Variants in ZNF366 observed in about 807,000 individuals in gnomAD.
The protein encoded by ZNF366 is dendritic cell-specific transcript protein.
Under a neutral mutation model 47.2 loss-of-function variants are expected in ZNF366, and 20 were observed. That is an observed-to-expected ratio of 0.42 (90% confidence interval 0.30 to 0.62). The LOEUF is 0.62. ZNF366 is among the 20% of genes least tolerant of loss of function. The probability of loss-of-function intolerance (pLI) is 0.16; values close to 1 mark genes in which losing one functional copy is unlikely to be tolerated. For synonymous variants in ZNF366, 421 were observed against 395.1 expected, an observed-to-expected ratio of 1.07 and a Z score of -0.78; for missense variants, 987 against 976.3, an observed-to-expected ratio of 1.01 and a Z score of -0.15.
At chr5:72,504,615 C>G (rs1324379796) in intron 1 of ZNF366, among the ~76,000 whole-genome samples, 1 of 152,142 alleles carries the variant, frequency 6.6e-6, no homozygotes. Flanking sequence ...GTGTGCCCAA[C>G]TCTAAAGCTG....
At chr5:72,454,625 A>G (rs1019264495) in intron 3 of ZNF366, among the ~76,000 whole-genome samples, 1 of 152,218 alleles carries the variant, frequency 6.6e-6, no homozygotes, top group African/African-American at 2.4e-5. Context: ...CTCTCTTCAT[A>G]TTTTAGCAAC....
chr5:72,445,814 G>T, intron 4 of ZNF366, among the ~76,000 whole-genome samples: 1 of 152,152 alleles, frequency 6.6e-6, no homozygotes, highest in East Asian at 1.9e-4. Flanking sequence ...GAGATTCAGT[G>T]AATAATTCAG....
Position 72,447,331 on chromosome 5 carries a change from A to G in ZNF366, c.1611T>C (p.Tyr537=), listed in dbSNP as rs1041251967. The part of the protein sequence containing the change: ...HSDSKPFKCL[Y]CPSKFTLKGN... ...CCTTCAGGGTGAATTTGCTTGGGCA[A>G]TAGAGGCACTTGAAGGGTTTGCTGT... Residue 537 remains tyrosine (Y), a synonymous_variant, in exon 4 of 5, where the codon TAT becomes TAC. Transcript: ENST00000318442. 3.1e-6 allele frequency: 5 copies of G among 1,614,188 alleles called. No homozygotes were observed. The highest frequency in any genetic ancestry group is 1.6e-4 in the Middle Eastern group (1 of 6,062).
intron 1 of ZNF366, among the ~76,000 whole-genome samples, chr5:72,471,091 C>T (rs1011063619): frequency 6.6e-6 from 1 of 152,166 alleles, no homozygotes; most frequent in Admixed American, 6.5e-5. Context: ...GGGGAGCAGG[C>T]CACCATGATT....
chr5:72,444,237 A>G lies in ZNF366; in HGVS notation c.1754T>C (p.Leu585Pro). 6.2e-7 allele frequency: 1 copy of G among 1,613,536 alleles called. No homozygotes were observed. Among genetic ancestry groups the G allele is most frequent in the Non-Finnish European group, 8.5e-7 (1 of 1,180,026 alleles). Reference sequence around the variant, plus strand: ...GAGGTCAAAGGGCTCCTCCTGCTCCAGACTCCTCAGGACACCGGCTGTCTG... The same window carrying G: ...GAGGTCAAAGGGCTCCTCCTGCTCCGGACTCCTCAGGACACCGGCTGTCTG... The part of the protein sequence containing the change: ...LAQTAGVLRS[L>P]EQEEPFDLSQ... Residue 585 changes from leucine (L) to proline (P), a missense_variant, in exon 5 of 5, where the codon CTG (leucine) becomes CCG (proline). Physicochemically the swap from Leu to Pro is moderately conservative, Grantham distance 98. Transcript: ENST00000318442.
rs778170968 is a variant in ZNF366 at position 72,461,142 on chromosome 5, G to T, written c.355C>A (p.Pro119Thr). The T allele has an allele frequency of 3.1e-6, 5 of 1,614,198 alleles. No individual in the cohort carries two copies. Among genetic ancestry groups the T allele is most frequent in the Non-Finnish European group, 4.2e-6 (5 of 1,180,032 alleles). The change falls in exon 2 of 5, where the codon CCC (proline) becomes ACC (threonine). Residue 119 changes from proline (P) to threonine (T), a missense_variant. This residue lies in a region of ZNF366 where 591 missense variants were observed against 560.9 expected (regional missense o/e 1.05). Transcript: ENST00000318442. The part of the protein sequence containing the change: ...LPNLPLLFPQ[P>T]PRPKYDSQMI... ...TGAGAGTCATACTTGGGGCGCGGGGGCTGCGGGAACAGCAAAGGGAGGTTG... is the reference window on the plus strand; with the variant it reads ...TGAGAGTCATACTTGGGGCGCGGGGTCTGCGGGAACAGCAAAGGGAGGTTG...
chr5:72,485,163 G>GA (rs1743869061), intron 1 of ZNF366, among the ~76,000 whole-genome samples: 1 of 152,126 alleles, frequency 6.6e-6, no homozygotes, highest in Non-Finnish European at 1.5e-5. Context: ...ATTAAATGCG[G>GA]AAAAAATATT....
chr5:72,474,785 T>A (rs1386722005), intron 1 of ZNF366, among the ~76,000 whole-genome samples: 1 of 152,136 alleles, frequency 6.6e-6, no homozygotes, highest in East Asian at 1.9e-4. Flanking sequence ...CTTAGCAACC[T>A]TACTGGAATT....
chr5:72,506,656 A>C (rs1744322651), intron 1 of ZNF366, among the ~76,000 whole-genome samples: 1 of 152,198 alleles, frequency 6.6e-6, no homozygotes. Context: ...ATTTACACTC[A>C]ACCCGCATGG....
At position 72,443,824 on chromosome 5, in the gene ZNF366, T is replaced by C. The variant is rs1317587571; in HGVS notation, c.2167A>G (p.Arg723Gly). The C allele has an allele frequency of 6.2e-7, 1 of 1,614,226 alleles. No homozygotes were observed. The highest frequency in any genetic ancestry group is 8.5e-7 in the Non-Finnish European group (1 of 1,180,028). Residue 723 changes from arginine (R) to glycine (G), a missense_variant, in exon 5 of 5, where the codon AGA (arginine) becomes GGA (glycine). Arg to Gly is a moderately radical substitution (Grantham distance 125). This residue lies in a region of ZNF366 where 285 missense variants were observed against 234.8 expected (regional missense o/e 1.21). Coordinates refer to ENST00000318442, the MANE Select transcript of ZNF366 (RefSeq NM_152625.3). The stretch of plus-strand genomic sequence containing the variant: ...AGTAATTCTTTCAAACTCTCATCTC[T>C]GTGCTTGAAGTATAAGTAATCAGAA... ...SFSDYLYFKH[R>G]DESLKELLER...
chr5:72,458,103 G>A (rs185983070), intron 2 of ZNF366, among the ~76,000 whole-genome samples: 2,720 of 134,120 alleles, frequency 0.02, 50 homozygotes, highest in South Asian at 0.029. Context: ...TGCAAGCTCC[G>A]CCTCCTGGGT....
chr5:72,444,922 G>A (rs1742930272), intron 4 of ZNF366, among the ~76,000 whole-genome samples: 1 of 152,068 alleles, frequency 6.6e-6, no homozygotes, highest in Admixed American at 6.5e-5. Flanking sequence ...ATGTATTATT[G>A]TTTTATTTTT....
rs1580251322 is a variant in ZNF366 at position 72,488,516 on chromosome 5, C to T, written c.-15+18735G>A. 2.6e-5 allele frequency among the ~76,000 whole-genome samples: 4 copies of T among 152,152 alleles called. No individual in the cohort carries two copies. In the South Asian group the frequency reaches 8.3e-4, roughly 32 times the overall value. ...AAGTAATAAGCAAGGAAATCTATGA[C>T]ACTTGAAACTAGGATTAAAAAGAAA... On this transcript the variant is annotated intron_variant, in intron 1 of 4. Transcript: ENST00000318442.
At position 72,458,343 on chromosome 5, in the gene ZNF366, C is replaced by G. The variant is rs753019847; in HGVS notation, c.1333-1748G>C. On this transcript the variant is annotated intron_variant, in intron 2 of 4. Transcript: ENST00000318442. ...CATCTTTCTTCTCTCAAGATTTTCT[C>G]TGGGCTTGGATCTGATCCATTTGTC... Among the ~76,000 whole-genome samples, 43 of 152,178 alleles carry G rather than the reference C, an allele frequency of 2.8e-4. 1 individual carries two copies. Among genetic ancestry groups the G allele is most frequent in the Non-Finnish European group, 4.7e-4 (32 of 68,032 alleles).
intron 1 of ZNF366, among the ~76,000 whole-genome samples, chr5:72,484,817 G>C (rs1161845041): frequency 6.6e-6 from 1 of 152,212 alleles, no homozygotes; most frequent in Non-Finnish European, 1.5e-5. Flanking sequence ...GCACAGGATA[G>C]TAAGCTGATG....
intron 3 of ZNF366, among the ~76,000 whole-genome samples, chr5:72,454,545 G>A (rs759168464): frequency 1.3e-5 from 2 of 152,226 alleles, no homozygotes; most frequent in Non-Finnish European, 2.9e-5. Flanking sequence ...CAGAATTGAT[G>A]AGGTGGAGGT....
chr5:72,502,205 A>G (rs1744223457), intron 1 of ZNF366, among the ~76,000 whole-genome samples: 1 of 152,238 alleles, frequency 6.6e-6, no homozygotes, highest in Non-Finnish European at 1.5e-5. Context: ...TGGACAAAAC[A>G]AAGTCCCTGT....
chr5:72,449,253 T>TG (rs1743015849), intron 3 of ZNF366, among the ~76,000 whole-genome samples: 3 of 151,808 alleles, frequency 2.0e-5, no homozygotes, highest in Non-Finnish European at 4.4e-5. Context: ...GAAAGGTTTT[T>TG]TTTTTTTTTT....
chr5:72,506,563 T>G (rs1291390061), intron 1 of ZNF366, among the ~76,000 whole-genome samples: 1 of 152,308 alleles, frequency 6.6e-6, no homozygotes. Flanking sequence ...GCATATTGTT[T>G]TCCAAAACTA....
Sources: allele counts gnomAD v4.1 joint callset (sites outside exome capture counted in the v4.1 genomes callset), GRCh38; gene constraint gnomAD v4.1.1; regional missense constraint gnomAD v4.1.1; transcripts MANE v1.5; gene names NCBI Gene and HGNC (gene_info 2026-07-23, HGNC 2026-07-21).